DPH1: variants seen among roughly 807,000 people sequenced by gnomAD.
DPH1 encodes the protein 2-(3-amino-3-carboxypropyl)histidine synthase subunit 1.
DPH1 carries 59 observed loss-of-function variants against 55.3 expected under a neutral mutation model. That is an observed-to-expected ratio of 1.07 (90% CI 0.87 to 1.33). DPH1 has a LOEUF of 1.33. DPH1 is among the 40% of genes most tolerant of loss of function. The probability of loss-of-function intolerance (pLI) is 0.00; values close to 1 mark genes in which losing one functional copy is unlikely to be tolerated. For missense variants in DPH1, 628 were observed against 584.8 expected, an observed-to-expected ratio of 1.07 and a Z score of -0.76; for synonymous variants, 238 against 235.5, an observed-to-expected ratio of 1.01 and a Z score of -0.10.
intron 3 of DPH1, 40 bp from the exon 4 acceptor site, chr17:2,035,928 CCT>C: frequency 6.2e-7 from 1 of 1,612,638 alleles, no homozygotes; most frequent in Non-Finnish European, 8.5e-7. Context: ...TACCTCAGTC[CCT>C]GTGTCCCTGT....
intron 12 of DPH1, 161 bp downstream of exon 12, chr17:2,042,036 T>C (rs1389533182): frequency 6.6e-7 from 1 of 1,511,326 alleles, no homozygotes. Flanking sequence ...CCGTCGCTCC[T>C]TGCCGGGCAT....
Position 2,036,267 on chromosome 17 carries a change from T to C in DPH1, c.400+176T>C. 1 of 1,287,462 alleles carries C rather than the reference T, an allele frequency of 7.8e-7. No homozygotes were observed. Among genetic ancestry groups the C allele is most frequent in the Non-Finnish European group, 1.0e-6 (1 of 961,130 alleles). 79.8% of individuals were successfully genotyped at this position (1,287,462 alleles called of 1,614,324 possible). ...AGGTAGATCTTTCCTTTGGATTTGG[T>C]TGCCTTGGCAACGGTGCTCTGTCCC... On this transcript the variant is annotated intron_variant, in intron 4 of 12. Transcript: ENST00000263083. This position sits in a 1 kb window ranked among gnomAD's most constrained non-coding sequence, Gnocchi z 4.8.
chr17:2,038,077 A>T (rs2067452522), intron 6 of DPH1, among the ~76,000 whole-genome samples: 1 of 150,042 alleles, frequency 6.7e-6, no homozygotes, highest in African/African-American at 2.4e-5. Context: ...TGGGAGGCCA[A>T]GGCAGGAGAA....
intron 12 of DPH1, 30 bp downstream of exon 12, chr17:2,041,905 C>T (rs1197985770): frequency 1.3e-6 from 2 of 1,546,212 alleles, no homozygotes; most frequent in East Asian, 2.4e-5. Context: ...GTGCGCCCCG[C>T]CTTTTGCCGT....
intron 6 of DPH1, among the ~76,000 whole-genome samples, chr17:2,038,398 C>T (rs1323389680): frequency 6.6e-6 from 1 of 152,080 alleles, no homozygotes; most frequent in Admixed American, 6.6e-5. Context: ...CAGAAAGTAG[C>T]CATTGTATGC....
rs1458217881 is a variant in DPH1, at chr17:2,043,402, C to T, written c.*816C>T. The stretch of plus-strand genomic sequence containing the variant: ...CAGAGGCTGGCACCATGGTGACTGC[C>T]ACATAATAAAGTGGTGATTTGGATT... On this transcript the variant is annotated 3_prime_UTR_variant, in exon 13 of 13. Transcript: ENST00000263083. 4 of 349,012 alleles carry T rather than the reference C, an allele frequency of 1.1e-5. No homozygotes were observed. Among genetic ancestry groups the T allele is most frequent in the African/African-American group, 2.1e-5 (1 of 47,868 alleles). 21.6% of individuals were successfully genotyped at this position (349,012 alleles called of 1,614,324 possible). A position where few individuals can be genotyped will look rare whatever the true frequency, so the allele number is the denominator to read the frequency against.
rs1281847593 is a variant in DPH1 at position 2,042,963 on chromosome 17, C to T, written c.*377C>T. On this transcript the variant is annotated 3_prime_UTR_variant, in exon 13 of 13. Coordinates refer to ENST00000263083, the MANE Select transcript of DPH1 (RefSeq NM_001383.6). ...ATGTTTTTGGGGACACTGACAAAGTCATCCCCTCTCAGGAGAGTGTGCAAC... is the reference window on the plus strand; with the variant it reads ...ATGTTTTTGGGGACACTGACAAAGTTATCCCCTCTCAGGAGAGTGTGCAAC... 10 of 1,614,164 alleles carry T rather than the reference C, an allele frequency of 6.2e-6. No homozygotes were observed. Among genetic ancestry groups the T allele is most frequent in the African/African-American group, 1.3e-5 (1 of 75,062 alleles).
chr17:2,031,100 C>A (rs1263782500), intron 1 of DPH1, among the ~76,000 whole-genome samples: 1 of 152,156 alleles, frequency 6.6e-6, no homozygotes, highest in African/African-American at 2.4e-5. Flanking sequence ...TCTGTGGCTC[C>A]TGAAGAGATA....
At chr17:2,042,285 C>A in intron 12 of DPH1, 4 of 1,398,782 alleles carry the variant, frequency 2.9e-6, no homozygotes, top group Non-Finnish European at 3.7e-6. Flanking sequence ...CTTGTTTCGT[C>A]CCCCTCGACA....
At chr17:2,033,413 G>T in intron 1 of DPH1, 92 bp from the exon 2 acceptor site, 1 of 1,590,592 alleles carries the variant, frequency 6.3e-7, no homozygotes. Flanking sequence ...TTGAGCGGGG[G>T]CACCGGCAGG....
At chr17:2,040,081 C>G (rs1335642477) in intron 7 of DPH1, 137 bp from the exon 8 acceptor site, 2 of 1,287,866 alleles carry the variant, frequency 1.6e-6, no homozygotes, top group African/African-American at 3.0e-5. Flanking sequence ...AATGACAGTC[C>G]CCGCTCTTGC....
chr17:2,032,501 G>A (rs2067344369), intron 1 of DPH1, among the ~76,000 whole-genome samples: 2 of 152,152 alleles, frequency 1.3e-5, no homozygotes, highest in Admixed American at 1.3e-4. Flanking sequence ...AACGAAAGCT[G>A]GGCCAACCCC....
At chr17:2,032,576 A>C (rs1401736688) in intron 1 of DPH1, among the ~76,000 whole-genome samples, 1 of 152,118 alleles carries the variant, frequency 6.6e-6, no homozygotes, top group African/African-American at 2.4e-5. Context: ...CTTGTTACCA[A>C]ACTCAACTTG....
rs770094613 is a variant in DPH1 at position 2,036,486 on chromosome 17, C to T, written c.401-43C>T. 8 of 1,608,196 alleles carry T rather than the reference C, an allele frequency of 5.0e-6. No individual in the cohort carries two copies. In the South Asian group the frequency reaches 6.6e-5, roughly 13 times the overall value. On this transcript the variant is annotated intron_variant, in intron 4 of 12. Coordinates refer to ENST00000263083, the MANE Select transcript of DPH1 (RefSeq NM_001383.6). This position sits in a 1 kb window ranked among gnomAD's most constrained non-coding sequence, Gnocchi z 4.8. ...CTGAGCCTGGCCGGGCCCTCTGCTG[C>T]TCCTGCCTTCCCAAACAGCCCCTGA...
Position 2,040,605 on chromosome 17 carries a change from TGTGA to T in DPH1, c.1007+3_1007+6del, listed in dbSNP as rs1407303120. ...CTTAGCCTACTTCCTGAGGTGGATG[TGTGA>T]GTATCTGCCTGGCTATGACTGGCTA... On this transcript the variant is annotated splice_donor_variant and splice_donor_region_variant and intron_variant, in intron 9 of 12. Coordinates refer to ENST00000263083, the MANE Select transcript of DPH1 (RefSeq NM_001383.6). LOFTEE classifies it high-confidence loss of function. 2 of 1,613,930 alleles carry T rather than the reference TGTGA, an allele frequency of 1.2e-6. No individual in the cohort carries two copies. Among genetic ancestry groups the T allele is most frequent in the South Asian group, 1.1e-5 (1 of 91,074 alleles).
In DPH1 at chr17:2,043,293, A is replaced by T; in HGVS notation, c.*707A>T. ...CTGTACTGAAGAAAAGGGGAGCACA[A>T]GGCCTTAATGGACATTGACTTGTGA... On this transcript the variant is annotated 3_prime_UTR_variant, in exon 13 of 13. Transcript: ENST00000263083. The T allele has an allele frequency of 1.5e-6, 1 of 678,512 alleles. No homozygotes were observed. The highest frequency in any genetic ancestry group is 2.4e-6 in the Non-Finnish European group (1 of 414,634). The allele number at this position is 678,512 out of a possible 1,614,324, so 42.0% of individuals were successfully genotyped here. A position where few individuals can be genotyped will look rare whatever the true frequency, so the allele number is the denominator to read the frequency against.
At position 2,036,075 on chromosome 17, in the gene DPH1, C is replaced by T. The variant is rs187856930; in HGVS notation, c.384C>T (p.Tyr128=). 7.3e-5 allele frequency: 118 copies of T among 1,613,924 alleles called. No homozygotes were observed. The highest frequency in any genetic ancestry group is 1.7e-4 in the Middle Eastern group (1 of 6,060). ...RALGADFLVH[Y]GHSCLIPMDT... is the part of the protein sequence containing the mutation. The stretch of plus-strand genomic sequence containing the variant: ...TGGGAGCTGACTTCTTGGTGCACTA[C>T]GGCCACAGTTGCCTGAGTATGGTGG... Residue 128 remains tyrosine, a synonymous_variant, in exon 4 of 13, where the codon TAC becomes TAT. Coordinates refer to ENST00000263083, the MANE Select transcript of DPH1 (RefSeq NM_001383.6). This position sits in a 1 kb window ranked among gnomAD's most constrained non-coding sequence, Gnocchi z 4.8.
chr17:2,031,493 C>T (rs952337184), intron 1 of DPH1, among the ~76,000 whole-genome samples: 1 of 142,270 alleles, frequency 7.0e-6, no homozygotes. Flanking sequence ...GTCCGAGAGG[C>T]TGAGGTTGCA....
chr17:2,035,459 T>C (rs62066908), intron 3 of DPH1, among the ~76,000 whole-genome samples: 748 of 8,850 alleles, frequency 0.085, 11 homozygotes, highest in African/African-American at 0.18. Context: ...GGGGAGGTAG[T>C]GGGGGTCCGG....
Sources: gnomAD v4.1 joint callset for allele counts (sites outside exome capture counted in the v4.1 genomes callset) on GRCh38, gnomAD v4.1.1 for gene constraint, Gnocchi (gnomAD v3.1) non-coding constraint, MANE v1.5 for transcripts, NCBI Gene and HGNC (gene_info 2026-07-23, HGNC 2026-07-21) for gene names.